The following SYTL3 variants were observed in gnomAD, a reference collection of about 807,000 sequenced individuals.
SYTL3 encodes synaptotagmin like 3.
Under a neutral mutation model 82.1 loss-of-function variants are expected in SYTL3, and 88 were observed. The ratio of observed to expected loss-of-function variants is 1.07; its 90% CI spans 0.90 to 1.28. SYTL3 has a LOEUF of 1.28. Ranked by LOEUF, SYTL3 falls within the 50% of genes most tolerant of loss-of-function variation. SYTL3 has a pLI of 0.00. For synonymous variants in SYTL3, 311 were observed against 289.4 expected, an observed-to-expected ratio of 1.07 and a Z score of -0.76; for missense variants, 831 against 757.6, an observed-to-expected ratio of 1.10 and a Z score of -1.14.
chr6:158,670,807 AT>A (rs35123978), intron 5 of SYTL3, among the ~76,000 whole-genome samples: 23,893 of 147,322 alleles, frequency 0.16, 2,110 homozygotes, highest in South Asian at 0.27. Context: ...TGTACAGAGT[AT>A]TTTTTTTTTT....
chr6:158,696,250 A>C (rs1417979354), intron 6 of SYTL3, among the ~76,000 whole-genome samples: 6 of 151,918 alleles, frequency 3.9e-5, no homozygotes, highest in Non-Finnish European at 5.9e-5. Context: ...GCCAGGCTGG[A>C]GTACAGTGGT....
rs549304921 is a variant in SYTL3, at chr6:158,732,128, A to G, written c.855+6491A>G. ...CTTGTCCTTCTGAAACAAAATCTCTATGTTCTGCTTAGTCTAATGTCCTAT... is the reference window on the plus strand; with the variant it reads ...CTTGTCCTTCTGAAACAAAATCTCTGTGTTCTGCTTAGTCTAATGTCCTAT... On this transcript the variant is annotated intron_variant, in intron 11 of 17. Coordinates refer to ENST00000611299, the MANE Select transcript of SYTL3 (RefSeq NM_001242394.2). Among the ~76,000 whole-genome samples the G allele has an allele frequency of 7.9e-5, 12 of 152,308 alleles. No homozygotes were observed. The South Asian group carries it at 2.5e-3, about 32-fold the overall frequency.
chr6:158,677,202 TA>T (rs1397291303), intron 5 of SYTL3, among the ~76,000 whole-genome samples: 1 of 152,000 alleles, frequency 6.6e-6, no homozygotes, highest in African/African-American at 2.4e-5. Flanking sequence ...GTGGCACATA[TA>T]CACCATGGAA....
intron 9 of SYTL3, among the ~76,000 whole-genome samples, chr6:158,715,613 A>ACACACACACACACACG (rs1291340388): frequency 1.4e-5 from 2 of 141,834 alleles, no homozygotes; most frequent in African/African-American, 5.4e-5. Context: ...ACACACACAC[A>ACACACACACACACACG]CACGCACGCA....
intron 4 of SYTL3, among the ~76,000 whole-genome samples, chr6:158,664,766 G>C (rs1478006491): frequency 3.3e-5 from 5 of 152,078 alleles, no homozygotes; most frequent in African/African-American, 1.2e-4. Flanking sequence ...CTTGTTTCTT[G>C]GGATTGGCTC....
At chr6:158,655,952 G>A (rs1229297319) in intron 2 of SYTL3, among the ~76,000 whole-genome samples, 3 of 152,218 alleles carry the variant, frequency 2.0e-5, no homozygotes, top group African/African-American at 4.8e-5. Context: ...AATGCAGAGC[G>A]CATGTGGTCA....
In SYTL3 at chr6:158,763,343, G is replaced by A. The variant is rs1790261005; in HGVS notation, c.1557G>A (p.Lys519=). Residue 519 remains lysine, a synonymous_variant, in exon 17 of 18, where the codon AAG becomes AAA. Transcript: ENST00000611299. ...TLPDQQKLRL[K]SPVLRKQACP... The stretch of plus-strand genomic sequence containing the variant: ...CAGACCAACAAAAACTGAGACTGAA[G>A]TCGCCAGTCCTGAGGAAGCAGGCTT... The A allele has an allele frequency of 1.9e-6, 3 of 1,614,206 alleles. No individual in the cohort carries two copies. Among genetic ancestry groups the A allele is most frequent in the Non-Finnish European group, 2.5e-6 (3 of 1,180,028 alleles).
In SYTL3 at chr6:158,757,224, C is replaced by G. The variant is rs777288322; in HGVS notation, c.1151C>G (p.Pro384Arg). 6.2e-7 allele frequency: 1 copy of G among 1,610,078 alleles called. No homozygotes were observed. The highest frequency in any genetic ancestry group is 1.1e-5 in the South Asian group (1 of 91,006). ...TTGCCTCTGCAGTATCAGGTGGCCC[C>G]TGCCCAGCTGGTGACCCGGCAGCTG... ...FQETLKYQVA[P>R]AQLVTRQLQV... Residue 384 changes from proline (P) to arginine (R), a missense_variant, in exon 14 of 18, where the codon CCT becomes CGT. Physicochemically the swap from Pro to Arg is moderately radical, Grantham distance 103 (BLOSUM62 -2). Transcript: ENST00000611299.
intron 11 of SYTL3, among the ~76,000 whole-genome samples, chr6:158,739,321 CAG>C (rs1409749801): frequency 6.6e-6 from 1 of 152,116 alleles, no homozygotes; most frequent in Non-Finnish European, 1.5e-5. Context: ...TCATAGGTAA[CAG>C]ATCCTTTTTT....
intron 5 of SYTL3, among the ~76,000 whole-genome samples, chr6:158,671,225 T>C (rs774599640): frequency 6.6e-6 from 1 of 152,244 alleles, no homozygotes; most frequent in Non-Finnish European, 1.5e-5. Context: ...TCATTCTTCT[T>C]GTTGAAACTG....
At chr6:158,730,329 G>A (rs1356723164) in intron 11 of SYTL3, among the ~76,000 whole-genome samples, 2 of 152,256 alleles carry the variant, frequency 1.3e-5, no homozygotes, top group Non-Finnish European at 2.9e-5. Flanking sequence ...CAGGTGTGCT[G>A]TCGTCATTGT....
intron 13 of SYTL3, among the ~76,000 whole-genome samples, chr6:158,756,536 CCT>C (rs1440717040): frequency 1.3e-5 from 2 of 151,852 alleles, no homozygotes; most frequent in African/African-American, 4.8e-5. Flanking sequence ...GTGGTGAAAC[CCT>C]GTCTCTACTA....
intron 9 of SYTL3, among the ~76,000 whole-genome samples, chr6:158,716,154 T>C (rs1783397884): frequency 6.6e-6 from 1 of 152,220 alleles, no homozygotes; most frequent in Non-Finnish European, 1.5e-5. Context: ...TTCTAGAAGA[T>C]GTCAGCACTG....
At position 158,740,888 on chromosome 6, in the gene SYTL3, C is replaced by T. The variant is rs550293517; in HGVS notation, c.856-4592C>T. Among the ~76,000 whole-genome samples the T allele has an allele frequency of 3.3e-5, 5 of 152,180 alleles. No individual in the cohort carries two copies. The South Asian group carries it at 1.0e-3, about 32-fold the overall frequency. ...GAAATGAGTTTGTTTATTCCTGTAC[C>T]ATAAAAATCTGTGCTTTGGGATTCA... On this transcript the variant is annotated intron_variant, in intron 11 of 17. Transcript: ENST00000611299.
intron 9 of SYTL3, among the ~76,000 whole-genome samples, chr6:158,715,641 C>CA (rs1783315583): frequency 2.0e-5 from 1 of 50,874 alleles, no homozygotes; most frequent in South Asian, 9.0e-4. Context: ...CCCCCCATAC[C>CA]CCCCCACCAC....
chr6:158,762,760 T>C (rs1790147424), intron 16 of SYTL3, among the ~76,000 whole-genome samples: 1 of 151,940 alleles, frequency 6.6e-6, no homozygotes, highest in East Asian at 1.9e-4. Flanking sequence ...CTACTAAAAA[T>C]ACAAAAATTA....
chr6:158,699,551 C>T (rs1468540512), intron 6 of SYTL3, among the ~76,000 whole-genome samples: 3 of 152,164 alleles, frequency 2.0e-5, no homozygotes, highest in Admixed American at 2.0e-4. Context: ...GATCTTACTC[C>T]CCGCTGCCTC....
At chr6:158,689,710 A>G (rs544734695) in intron 6 of SYTL3, among the ~76,000 whole-genome samples, 1 of 150,320 alleles carries the variant, frequency 6.7e-6, no homozygotes, top group African/African-American at 2.5e-5. Context: ...CTGGAGTACC[A>G]TGGCGCAATC....
chr6:158,695,185 G>A (rs1332257349), intron 6 of SYTL3, among the ~76,000 whole-genome samples: 4 of 152,160 alleles, frequency 2.6e-5, no homozygotes, highest in Non-Finnish European at 5.9e-5. Flanking sequence ...GGCTGGCAAA[G>A]CCTGAAATTT....
Sources: gnomAD v4.1 joint callset for allele counts (sites outside exome capture counted in the v4.1 genomes callset) on GRCh38, gnomAD v4.1.1 for gene constraint, MANE v1.5 for transcripts, NCBI Gene and HGNC (gene_info 2026-07-23, HGNC 2026-07-21) for gene names.